Variants in CACNA2D3 observed in about 807,000 individuals in gnomAD.
CACNA2D3 encodes the protein voltage-dependent calcium channel subunit alpha-2/delta-3.
In CACNA2D3, 60 loss-of-function variants were observed where a neutral mutation model predicts 160.6. That is an observed-to-expected ratio of 0.37 (90% CI 0.30 to 0.46). The LOEUF (loss-of-function observed/expected upper bound fraction) is 0.46, where lower values mean the gene tolerates loss of function less well. CACNA2D3 is among the 20% of genes least tolerant of loss of function. CACNA2D3 has a pLI of 1.00. For missense variants in CACNA2D3, 1,205 were observed against 1,365.0 expected, an observed-to-expected ratio of 0.88 and a Z score of 1.85; for synonymous variants, 558 against 492.9, an observed-to-expected ratio of 1.13 and a Z score of -1.75.
intron 29 of CACNA2D3, among the ~76,000 whole-genome samples, chr3:54,976,477 TATA>T (rs1274844395): frequency 6.6e-6 from 1 of 152,006 alleles, no homozygotes; most frequent in African/African-American, 2.4e-5. Context: ...AAACTTAAAG[TATA>T]ATAATAATAA....
intron 31 of CACNA2D3, among the ~76,000 whole-genome samples, chr3:54,996,748 C>T (rs554054111): frequency 6.6e-6 from 1 of 152,232 alleles, no homozygotes; most frequent in South Asian, 2.1e-4. Context: ...GAGGATGCGT[C>T]TGGGTTTTAA....
At chr3:54,891,216 T>A (rs1443486050) in intron 24 of CACNA2D3, 139 bp from the exon 25 acceptor site, 1 of 622,632 alleles carries the variant, frequency 1.6e-6, no homozygotes, top group Non-Finnish European at 2.9e-6. Context: ...TGTGTGTGTG[T>A]GTGTGTTTCT....
intron 13 of CACNA2D3, among the ~76,000 whole-genome samples, chr3:54,778,362 C>T (rs1217276396): frequency 6.6e-6 from 1 of 152,086 alleles, no homozygotes; most frequent in Non-Finnish European, 1.5e-5. Flanking sequence ...CATTTATAGT[C>T]TCTAGAACCA....
intron 35 of CACNA2D3, among the ~76,000 whole-genome samples, chr3:55,071,126 ATTTAT>A (rs1364404584): frequency 1.3e-5 from 2 of 152,086 alleles, no homozygotes; most frequent in Non-Finnish European, 2.9e-5. Flanking sequence ...TTTTAATGAT[ATTTAT>A]TTTACTCTGA....
intron 13 of CACNA2D3, among the ~76,000 whole-genome samples, chr3:54,771,505 C>A (rs757141662): frequency 6.6e-6 from 1 of 152,092 alleles, no homozygotes; most frequent in Non-Finnish European, 1.5e-5. Flanking sequence ...GTTCTTTGCC[C>A]GTATAGGACT....
intron 5 of CACNA2D3, among the ~76,000 whole-genome samples, chr3:54,514,310 A>T (rs559266377): frequency 2.6e-5 from 4 of 152,344 alleles, no homozygotes; most frequent in African/African-American, 9.6e-5. Flanking sequence ...GGAGGTGATG[A>T]TGATCAGAAT....
chr3:54,331,560 C>T (rs1252506031), intron 3 of CACNA2D3, among the ~76,000 whole-genome samples: 1 of 152,176 alleles, frequency 6.6e-6, no homozygotes, highest in African/African-American at 2.4e-5. Flanking sequence ...GTGCTTCTTG[C>T]TTGCCAAGAC....
chr3:54,644,625 G>C (rs920284877), intron 11 of CACNA2D3, among the ~76,000 whole-genome samples: 4 of 152,198 alleles, frequency 2.6e-5, no homozygotes, highest in Admixed American at 6.5e-5. Context: ...AATGGGAAAT[G>C]GGTTCAGGAC....
At chr3:54,452,636 C>T (rs1700328166) in intron 4 of CACNA2D3, among the ~76,000 whole-genome samples, 2 of 152,168 alleles carry the variant, frequency 1.3e-5, no homozygotes, top group African/African-American at 4.8e-5. Flanking sequence ...CTTGTCACAG[C>T]AGCACTTCAC....
chr3:54,979,348 TA>T (rs1702458203), intron 29 of CACNA2D3, among the ~76,000 whole-genome samples: 1 of 152,176 alleles, frequency 6.6e-6, no homozygotes, highest in Non-Finnish European at 1.5e-5. Context: ...CTTGGTAAAA[TA>T]ACCAGTTTCT....
chr3:54,930,634 C>T (rs11928648), intron 27 of CACNA2D3, among the ~76,000 whole-genome samples: 3 of 152,228 alleles, frequency 2.0e-5, no homozygotes, highest in Admixed American at 6.5e-5. Context: ...AAGAAGCACA[C>T]TTTCATGCTG....
chr3:54,545,403 G>A (rs1702045249), intron 5 of CACNA2D3, among the ~76,000 whole-genome samples: 2 of 152,090 alleles, frequency 1.3e-5, no homozygotes, highest in South Asian at 2.1e-4. Flanking sequence ...CACTCTTGGT[G>A]TACTTCCTGT....
At chr3:54,732,822 A>G (rs940364367) in intron 11 of CACNA2D3, among the ~76,000 whole-genome samples, 2 of 152,200 alleles carry the variant, frequency 1.3e-5, no homozygotes, top group African/African-American at 4.8e-5. Context: ...TTTTATGTGG[A>G]CCCTCGAAAA....
intron 13 of CACNA2D3, among the ~76,000 whole-genome samples, chr3:54,781,787 A>C (rs1327496717): frequency 6.6e-6 from 1 of 152,246 alleles, no homozygotes; most frequent in East Asian, 1.9e-4. Context: ...TTAAAGCTCA[A>C]GGAGGTTCCA....
rs542065717 is a variant in CACNA2D3 at position 55,051,408 on chromosome 3, A to C, written c.2988-22037A>C. 1.1e-3 allele frequency among the ~76,000 whole-genome samples: 171 copies of C among 152,168 alleles called. 4 individuals carry two copies. In the South Asian group the frequency reaches 0.035, roughly 31 times the overall value. On this transcript the variant is annotated intron_variant, in intron 35 of 37. Coordinates refer to ENST00000474759, the MANE Select transcript of CACNA2D3 (RefSeq NM_018398.3). ...CCTGCTGGGGGGGTGCCTCCCAGTT[A>C]GGCTGCCCGGGCGTCAGGGGTCAGG...
chr3:54,937,538 C>T lies in CACNA2D3; in HGVS notation c.2450-30912C>T, dbSNP rs557916102. On this transcript the variant is annotated intron_variant, in intron 27 of 37. Coordinates refer to ENST00000474759, the MANE Select transcript of CACNA2D3 (RefSeq NM_018398.3). Reference sequence around the variant, plus strand: ...TTAGTGGACCTGTGCAGTTCAAACTCGTGTTGTGCAAGGGTCAACTGTATA... The same window carrying T: ...TTAGTGGACCTGTGCAGTTCAAACTTGTGTTGTGCAAGGGTCAACTGTATA... 2.7e-3 allele frequency among the ~76,000 whole-genome samples: 418 copies of T among 152,196 alleles called. 2 individuals carry two copies. The highest frequency in any genetic ancestry group is 9.4e-3 in the African/African-American group (391 of 41,522).
chr3:54,903,492 A>G (rs1431248531), intron 27 of CACNA2D3, among the ~76,000 whole-genome samples: 1 of 152,096 alleles, frequency 6.6e-6, no homozygotes, highest in Non-Finnish European at 1.5e-5. Flanking sequence ...TGTCTTTGCT[A>G]TTGTGAATAG....
chr3:54,519,695 C>T (rs910682473), intron 5 of CACNA2D3, among the ~76,000 whole-genome samples: 2 of 152,146 alleles, frequency 1.3e-5, no homozygotes, highest in African/African-American at 2.4e-5. Context: ...TCTCCCATTC[C>T]AGGCCTGTGG....
intron 5 of CACNA2D3, among the ~76,000 whole-genome samples, chr3:54,528,805 C>T (rs1022462427): frequency 1.2e-4 from 18 of 152,236 alleles, no homozygotes; most frequent in Admixed American, 6.5e-4. Context: ...TGGAGCAGCC[C>T]GTAGCTCAGA....
Sources: allele counts gnomAD v4.1 joint callset (sites outside exome capture counted in the v4.1 genomes callset), GRCh38; gene constraint gnomAD v4.1.1; transcripts MANE v1.5; gene names NCBI Gene and HGNC (gene_info 2026-07-23, HGNC 2026-07-21).